PCDH9: variants seen among roughly 807,000 people sequenced by gnomAD.
PCDH9 encodes protocadherin-9.
Under a neutral mutation model 70.6 loss-of-function variants are expected in PCDH9, and 24 were observed. The ratio of observed to expected loss-of-function variants is 0.34; its 90% CI spans 0.25 to 0.48. The LOEUF is 0.48. PCDH9 is among the 20% of genes least tolerant of loss of function. PCDH9 has a pLI of 0.99. For missense variants in PCDH9, 1,281 were observed against 1,503.6 expected (o/e 0.85, Z 2.45); for synonymous variants, 562 against 558.5 (o/e 1.01, Z -0.09).
At chr13:66,753,732 G>A (rs1003259419) in intron 3 of PCDH9, among the ~76,000 whole-genome samples, 7 of 152,044 alleles carry the variant, frequency 4.6e-5, no homozygotes, top group Non-Finnish European at 7.4e-5. Context: ...TCAGTGCGTT[G>A]ATCCAAAACT....
chr13:67,012,715 C>T (rs2084475272), intron 2 of PCDH9, among the ~76,000 whole-genome samples: 1 of 151,946 alleles, frequency 6.6e-6, no homozygotes, highest in African/African-American at 2.4e-5. Context: ...GGTTCCTGCC[C>T]TCCTCTCCTC....
chr13:66,853,140 C>T (rs997166338), intron 3 of PCDH9, among the ~76,000 whole-genome samples: 1 of 150,212 alleles, frequency 6.7e-6, no homozygotes, highest in Non-Finnish European at 1.5e-5. Flanking sequence ...CAGAAATAGT[C>T]AAAAACAACA....
intron 2 of PCDH9, among the ~76,000 whole-genome samples, chr13:66,908,209 A>C (rs1283514555): frequency 1.3e-5 from 2 of 152,160 alleles, no homozygotes. Context: ...TCACGTTACT[A>C]ATGCAAATGG....
chr13:66,874,752 C>T (rs908270196), intron 3 of PCDH9, among the ~76,000 whole-genome samples: 19 of 152,174 alleles, frequency 1.2e-4, no homozygotes, highest in East Asian at 3.9e-4. Flanking sequence ...CAAGATAAGA[C>T]GCATTTCAGC....
At chr13:67,156,025 G>A (rs1052736452) in intron 2 of PCDH9, among the ~76,000 whole-genome samples, 3 of 152,024 alleles carry the variant, frequency 2.0e-5, no homozygotes, top group East Asian at 3.9e-4. Context: ...TAAGGATGCC[G>A]GAGATACAGG....
intron 3 of PCDH9, among the ~76,000 whole-genome samples, chr13:66,839,865 A>T (rs2081086373): frequency 6.6e-6 from 1 of 152,208 alleles, no homozygotes; most frequent in African/African-American, 2.4e-5. Context: ...TTCTGAAAAA[A>T]ACTGAAAAGA....
chr13:66,451,926 ATATGTTAACAATATTTCCTGCAGCG>A (rs1354398156), intron 4 of PCDH9, among the ~76,000 whole-genome samples: 3 of 152,196 alleles, frequency 2.0e-5, no homozygotes, highest in Non-Finnish European at 4.4e-5. Context: ...AATACTTTTG[ATATGTTAACAATATTTCCTGCAGCG>A]TTTTTGCTTG....
chr13:67,021,853 C>T (rs2084679308), intron 2 of PCDH9, among the ~76,000 whole-genome samples: 1 of 152,002 alleles, frequency 6.6e-6, no homozygotes, highest in Non-Finnish European at 1.5e-5. Context: ...AGCCACCATG[C>T]CTGGCGATAG....
In PCDH9 at chr13:66,316,932, A is replaced by G. The variant is rs148809459; in HGVS notation, c.3341-11904T>C. ...GAGATGGGGTTTCGCCATGTTGGTC[A>G]GACTGGCTTTGACCTCCTGATCTCA... On this transcript the variant is annotated intron_variant, in intron 4 of 4. Transcript: ENST00000377865. 5.7e-3 allele frequency among the ~76,000 whole-genome samples: 872 copies of G among 152,202 alleles called. 8 individuals carry two copies. The highest frequency in any genetic ancestry group is 0.02 in the African/African-American group (818 of 41,524).
intron 2 of PCDH9, among the ~76,000 whole-genome samples, chr13:66,931,212 A>G (rs1338466678): frequency 3.9e-5 from 6 of 152,112 alleles, no homozygotes; most frequent in Admixed American, 6.6e-5. Flanking sequence ...ATTTTTATTT[A>G]TGAGTTCAAT....
chr13:67,005,949 A>G (rs1186668972), intron 2 of PCDH9, among the ~76,000 whole-genome samples: 3 of 152,210 alleles, frequency 2.0e-5, no homozygotes, highest in African/African-American at 2.4e-5. Context: ...CTTATAGGCC[A>G]GGCGCGGCGG....
intron 4 of PCDH9, among the ~76,000 whole-genome samples, chr13:66,408,404 T>C (rs1233640387): frequency 1.3e-5 from 2 of 152,190 alleles, no homozygotes; most frequent in Non-Finnish European, 2.9e-5. Flanking sequence ...TGTTAGTAAA[T>C]GTAACATAAA....
intron 3 of PCDH9, among the ~76,000 whole-genome samples, chr13:66,875,598 G>T (rs1818683574): frequency 6.6e-6 from 1 of 152,100 alleles, no homozygotes; most frequent in Non-Finnish European, 1.5e-5. Flanking sequence ...GAAAAGAACT[G>T]CACTATGTAT....
At chr13:66,853,241 T>C (rs2081343693) in intron 3 of PCDH9, among the ~76,000 whole-genome samples, 1 of 147,664 alleles carries the variant, frequency 6.8e-6, no homozygotes, top group Non-Finnish European at 1.5e-5. Context: ...TGATAAAATA[T>C]ACCAGTTAAG....
chr13:66,345,392 C>A (rs543053675), intron 4 of PCDH9, among the ~76,000 whole-genome samples: 5 of 152,036 alleles, frequency 3.3e-5, no homozygotes, highest in Admixed American at 6.6e-5. Flanking sequence ...TCCAGCCATG[C>A]ACACTGTGTT....
chr13:67,022,071 C>T lies in PCDH9; in HGVS notation c.3037-118466G>A, dbSNP rs193089563. 5.7e-5 allele frequency among the ~76,000 whole-genome samples: 8 copies of T among 140,938 alleles called. No individual in the cohort carries two copies. The Admixed American group carries it at 5.8e-4, about 10-fold the overall frequency. The allele number at this position is 140,938 out of a possible 152,430, so 92.5% of individuals were successfully genotyped here. A position where few individuals can be genotyped will look rare whatever the true frequency, so the allele number is the denominator to read the frequency against. ...CTTTCTTTATTTCATAAGAATGTTC[C>T]AGCTCCTAAGTCAAAGGGTGGACAA... On this transcript the variant is annotated intron_variant, in intron 2 of 4. Coordinates refer to ENST00000377865, the MANE Select transcript of PCDH9 (RefSeq NM_203487.3).
intron 3 of PCDH9, among the ~76,000 whole-genome samples, chr13:66,862,328 G>A (rs1005690902): frequency 3.3e-5 from 5 of 152,124 alleles, no homozygotes; most frequent in Admixed American, 2.6e-4. Flanking sequence ...GCATCTACTC[G>A]TGGCATATGT....
chr13:66,637,764 AT>A, intron 3 of PCDH9, among the ~76,000 whole-genome samples: 1 of 141,626 alleles, frequency 7.1e-6, no homozygotes. Flanking sequence ...ATACAAAAAA[AT>A]TAGCCAGGTG....
chr13:67,208,914 C>T (rs1285761350), intron 2 of PCDH9: 2 of 152,150 alleles, frequency 1.3e-5, no homozygotes, highest in Admixed American at 1.3e-4. Flanking sequence ...TGAAGTTGGT[C>T]ATTACAGACA....
Sources: allele counts gnomAD v4.1 joint callset (sites outside exome capture counted in the v4.1 genomes callset), GRCh38; gene constraint gnomAD v4.1.1; transcripts MANE v1.5; gene names NCBI Gene and HGNC (gene_info 2026-07-23, HGNC 2026-07-21).